The following ZC2HC1B variants were observed in gnomAD, a reference collection of about 807,000 sequenced individuals.
ZC2HC1B encodes zinc finger C2HC domain-containing protein 1B.
A neutral mutation model predicts 31.0 loss-of-function variants in ZC2HC1B; 36 were observed. The observed-to-expected ratio is 1.16, with a 90% CI of 0.89 to 1.54. The LOEUF (loss-of-function observed/expected upper bound fraction) is 1.54. Ranked by LOEUF, ZC2HC1B falls within the 40% of genes most tolerant of loss-of-function variation. The pLI is 0.00. For missense variants in ZC2HC1B, 260 were observed against 268.6 expected (o/e 0.97, Z 0.22); for synonymous variants, 73 against 88.0 (o/e 0.83, Z 0.95).
At chr6:143,937,999 C>A (rs541358938) in intron 7 of ZC2HC1B, 143 bp from the exon 8 acceptor site, 33 of 250,442 alleles carry the variant, frequency 1.3e-4, no homozygotes, top group Middle Eastern at 1.3e-3. Context: ...TTTCTAAGCA[C>A]CTTACCCTCA....
Position 143,923,860 on chromosome 6 carries a change from A to G in ZC2HC1B, c.599-13789A>G, listed in dbSNP as rs997229694. Among the ~76,000 whole-genome samples, 4 of 151,516 alleles carry G rather than the reference A, an allele frequency of 2.6e-5. No individual in the cohort carries two copies. Among genetic ancestry groups the G allele is most frequent in the Non-Finnish European group, 5.9e-5 (4 of 67,898 alleles). ...GTTTTAGTTACTACAGCTTTTTAAT[A>G]TATTTTGAAATCAGGTATGTGATGC... On this transcript the variant is annotated intron_variant, in intron 6 of 7. Coordinates refer to ENST00000237275, the MANE Select transcript of ZC2HC1B (RefSeq NM_001013623.3). The surrounding 1 kb of genome is among the most constrained non-coding windows in gnomAD (Gnocchi z 4.8).
intron 1 of ZC2HC1B, among the ~76,000 whole-genome samples, chr6:143,882,244 TAGAA>T (rs1777476022): frequency 1.3e-5 from 2 of 150,580 alleles, no homozygotes; most frequent in Non-Finnish European, 2.9e-5. Flanking sequence ...ACTAGTGTTT[TAGAA>T]AGAGCAGCAG....
rs561265885 is a variant in ZC2HC1B at position 143,899,417 on chromosome 6, C to T, written c.489+726C>T. Among the ~76,000 whole-genome samples the T allele has an allele frequency of 1.9e-4, 29 of 152,256 alleles. No individual in the cohort carries two copies. Among genetic ancestry groups the T allele is most frequent in the African/African-American group, 7.0e-4 (29 of 41,534 alleles). On this transcript the variant is annotated intron_variant, in intron 5 of 7. Transcript: ENST00000237275. This position sits in a 1 kb window ranked among gnomAD's most constrained non-coding sequence, Gnocchi z 5.0. ...TTGAGACAGGGGCTCACTCTGTTGC[C>T]CAGGCTGGAGTGCAATGGTGTAATC...
intron 4 of ZC2HC1B, among the ~76,000 whole-genome samples, chr6:143,890,037 A>G (rs985202423): frequency 3.9e-5 from 6 of 152,168 alleles, no homozygotes; most frequent in African/African-American, 2.4e-5. Context: ...TTGGAAATCA[A>G]CAAGTCATTT....
intron 1 of ZC2HC1B, among the ~76,000 whole-genome samples, chr6:143,874,019 G>A (rs751934021): frequency 4.6e-5 from 7 of 152,116 alleles, no homozygotes; most frequent in South Asian, 4.1e-4. Context: ...AACTTTTATC[G>A]TCTATTTCCC....
chr6:143,886,716 C>T lies in ZC2HC1B; in HGVS notation c.244C>T (p.Gln82Ter). The change falls in exon 4 of 8, where the codon CAA (glutamine) becomes TAA (stop). Residue 82 changes from glutamine to a stop codon, truncating the protein, a stop_gained. Coordinates refer to ENST00000237275, the MANE Select transcript of ZC2HC1B (RefSeq NM_001013623.3). LOFTEE classifies it high-confidence loss of function. The surrounding 1 kb of genome is among the most constrained non-coding windows in gnomAD (Gnocchi z 4.2). ...PPVRKSNWRQ[Q>*]HEDFINAIRS... ...TGTGAGGAAGTCTAACTGGAGACAA[C>T]AACATGAAGACTTTATTAATGCAAT... 6.5e-7 allele frequency: 1 copy of T among 1,545,568 alleles called. No individual in the cohort carries two copies.
chr6:143,915,438 C>G lies in ZC2HC1B; in HGVS notation c.598+12286C>G, dbSNP rs1777905882. Among the ~76,000 whole-genome samples the G allele has an allele frequency of 6.6e-6, 1 of 152,066 alleles. No homozygotes were observed. The highest frequency in any genetic ancestry group is 6.6e-5 in the Admixed American group (1 of 15,260). On this transcript the variant is annotated intron_variant, in intron 6 of 7. Transcript: ENST00000237275. The surrounding 1 kb of genome is among the most constrained non-coding windows in gnomAD (Gnocchi z 5.2). Reference sequence around the variant, plus strand: ...AACAGACGAATACAGTAAATTGGTACCAGTAGAGTGGGGCGCTGCTGAAAA... The same window carrying G: ...AACAGACGAATACAGTAAATTGGTAGCAGTAGAGTGGGGCGCTGCTGAAAA...
At chr6:143,907,982 A>G (rs1777815636) in intron 6 of ZC2HC1B, among the ~76,000 whole-genome samples, 1 of 152,172 alleles carries the variant, frequency 6.6e-6, no homozygotes, top group Non-Finnish European at 1.5e-5. Context: ...ATCCAGTTTC[A>G]ATTCTCTGCA....
rs544729844 is a variant in ZC2HC1B, at chr6:143,871,753, A to G, written c.28+7186A>G. Among the ~76,000 whole-genome samples, 1 of 152,156 alleles carries G rather than the reference A, an allele frequency of 6.6e-6. No individual in the cohort carries two copies. The highest frequency in any genetic ancestry group is 1.5e-5 in the Non-Finnish European group (1 of 68,030). On this transcript the variant is annotated intron_variant, in intron 1 of 7. Transcript: ENST00000237275. The surrounding 1 kb of genome is among the most constrained non-coding windows in gnomAD (Gnocchi z 4.1). ...ATTTTTCTAGGTAAAGACAGTGCTTATGGCTTCCATTTGGCCTTTCTCACC... is the reference window on the plus strand; with the variant it reads ...ATTTTTCTAGGTAAAGACAGTGCTTGTGGCTTCCATTTGGCCTTTCTCACC...
intron 1 of ZC2HC1B, among the ~76,000 whole-genome samples, chr6:143,881,351 G>A (rs1056688446): frequency 6.6e-6 from 1 of 151,796 alleles, no homozygotes; most frequent in Non-Finnish European, 1.5e-5. Flanking sequence ...AAGAGTTCGA[G>A]ACCAGTCTAA....
chr6:143,935,563 A>G (rs543201242), intron 6 of ZC2HC1B, among the ~76,000 whole-genome samples: 1 of 151,824 alleles, frequency 6.6e-6, no homozygotes, highest in Admixed American at 6.6e-5. Flanking sequence ...AAGGTCTTTA[A>G]AAATTGTTGT....
rs1777707160 is a variant in ZC2HC1B, at chr6:143,899,305, A to G, written c.489+614A>G. 6.6e-6 allele frequency among the ~76,000 whole-genome samples: 1 copy of G among 152,232 alleles called. No individual in the cohort carries two copies. Among genetic ancestry groups the G allele is most frequent in the African/African-American group, 2.4e-5 (1 of 41,460 alleles). On this transcript the variant is annotated intron_variant, in intron 5 of 7. Transcript: ENST00000237275. The surrounding 1 kb of genome is among the most constrained non-coding windows in gnomAD (Gnocchi z 5.0). ...CAGGTACATACTTACAATATAGCAT[A>G]AAAACTATTAGTTTCATAGACGTGG...
At position 143,895,616 on chromosome 6, in the gene ZC2HC1B, C is replaced by A. The variant is rs369899937; in HGVS notation, c.350-2936C>A. 6.6e-6 allele frequency among the ~76,000 whole-genome samples: 1 copy of A among 152,120 alleles called. No homozygotes were observed. The highest frequency in any genetic ancestry group is 2.4e-5 in the African/African-American group (1 of 41,414). Reference sequence around the variant, plus strand: ...ATGCCTATATTCTACTTTTTAGTGACTTAGCTAAGTCTGTCAATGATTTAA... The same window carrying A: ...ATGCCTATATTCTACTTTTTAGTGAATTAGCTAAGTCTGTCAATGATTTAA... On this transcript the variant is annotated intron_variant, in intron 4 of 7. Coordinates refer to ENST00000237275, the MANE Select transcript of ZC2HC1B (RefSeq NM_001013623.3). This position sits in a 1 kb window ranked among gnomAD's most constrained non-coding sequence, Gnocchi z 4.8.
chr6:143,914,193 TTTTG>T (rs1232354169), intron 6 of ZC2HC1B, among the ~76,000 whole-genome samples: 4 of 152,216 alleles, frequency 2.6e-5, no homozygotes, highest in African/African-American at 9.6e-5. Context: ...TTGAGATCTT[TTTTG>T]TTTTTTTAAT....
intron 1 of ZC2HC1B, among the ~76,000 whole-genome samples, chr6:143,866,868 G>T (rs953464581): frequency 8.6e-5 from 13 of 152,032 alleles, no homozygotes; most frequent in Non-Finnish European, 1.9e-4. Flanking sequence ...GAACATAGAA[G>T]TCCCCTGTGA....
chr6:143,882,103 C>T (rs777046822), intron 1 of ZC2HC1B, among the ~76,000 whole-genome samples: 23 of 151,602 alleles, frequency 1.5e-4, no homozygotes, highest in Admixed American at 3.9e-4. Context: ...CTTGGGCCTC[C>T]GTTTTCTCAT....
intron 6 of ZC2HC1B, among the ~76,000 whole-genome samples, chr6:143,904,452 G>T (rs571206409): frequency 6.6e-6 from 1 of 152,032 alleles, no homozygotes; most frequent in Non-Finnish European, 1.5e-5. Context: ...GCTTCAACCT[G>T]CCAGGCTCAA....
chr6:143,930,113 C>A (rs1177660635), intron 6 of ZC2HC1B, among the ~76,000 whole-genome samples: 1 of 150,956 alleles, frequency 6.6e-6, no homozygotes, highest in Non-Finnish European at 1.5e-5. Flanking sequence ...TGAGCTTTGT[C>A]ATTTCTTTTC....
chr6:143,890,935 C>T (rs1469385138), intron 4 of ZC2HC1B, among the ~76,000 whole-genome samples: 1 of 151,342 alleles, frequency 6.6e-6, no homozygotes, highest in Non-Finnish European at 1.5e-5. Context: ...CGAGACCAGA[C>T]TGGCCAAGAT....
Sources: gnomAD v4.1 joint callset for allele counts (sites outside exome capture counted in the v4.1 genomes callset) on GRCh38, gnomAD v4.1.1 for gene constraint, Gnocchi (gnomAD v3.1) non-coding constraint, MANE v1.5 for transcripts, NCBI Gene and HGNC (gene_info 2026-07-23, HGNC 2026-07-21) for gene names.